SAFB2: variants seen among roughly 807,000 people sequenced by gnomAD.
SAFB2 encodes scaffold attachment factor B2.
Under a neutral mutation model 100.6 loss-of-function variants are expected in SAFB2, and 32 were observed. The ratio of observed to expected loss-of-function variants is 0.32; its 90% CI spans 0.24 to 0.43. The LOEUF (loss-of-function observed/expected upper bound fraction) is 0.43, where lower values mean the gene tolerates loss of function less well. Among genes scored for constraint, SAFB2 ranks in the 20% least tolerant of loss-of-function variants. The pLI, the probability that SAFB2 is intolerant of heterozygous loss-of-function variation, is 1.00. For synonymous variants in SAFB2, 500 were observed against 439.4 expected, an observed-to-expected ratio of 1.14 and a Z score of -1.72; for missense variants, 1,185 against 1,163.4, an observed-to-expected ratio of 1.02 and a Z score of -0.27.
At chr19:5,604,507 G>A (rs1361756644) in intron 11 of SAFB2, 76 bp downstream of exon 11, 3 of 1,092,000 alleles carry the variant, frequency 2.7e-6, no homozygotes, top group Non-Finnish European at 4.1e-6. Flanking sequence ...ACAGATGCGT[G>A]TTTTTCAAGG....
chr19:5,592,681 C>T (rs142014220), intron 16 of SAFB2, 66 bp downstream of exon 16: 16 of 1,588,032 alleles, frequency 1.0e-5, no homozygotes, highest in South Asian at 5.6e-5. Flanking sequence ...GGGCTGAGAA[C>T]GAGGTCAGCT....
intron 11 of SAFB2, among the ~76,000 whole-genome samples, chr19:5,602,829 C>T (rs141062798): frequency 0.014 from 2,157 of 152,308 alleles, 32 homozygotes; most frequent in Non-Finnish European, 0.02. Context: ...CCATCTTCCA[C>T]CAATACAGAC....
intron 4 of SAFB2, among the ~76,000 whole-genome samples, chr19:5,615,160 A>G (rs183958672): frequency 6.6e-6 from 1 of 152,158 alleles, no homozygotes; most frequent in East Asian, 1.9e-4. Flanking sequence ...GGAGACCATC[A>G]TGGCCAACAT....
intron 13 of SAFB2, among the ~76,000 whole-genome samples, chr19:5,597,137 C>T (rs895707741): frequency 2.6e-5 from 4 of 152,192 alleles, no homozygotes; most frequent in African/African-American, 9.7e-5. Flanking sequence ...GCACAGCAGG[C>T]AACAGTGTCA....
In SAFB2 at chr19:5,590,201, G is replaced by A. The variant is rs1250418237; in HGVS notation, c.2525+77C>T. 13 of 1,286,846 alleles carry A rather than the reference G, an allele frequency of 1.0e-5. No homozygotes were observed. The African/African-American group carries it at 1.8e-4, about 18-fold the overall frequency. The allele number at this position is 1,286,846 out of a possible 1,614,324, so 79.7% of individuals were successfully genotyped here. The stretch of plus-strand genomic sequence containing the variant: ...TCCCCTAGCTGAATCAAACCTTGGG[G>A]ACGTGCCTGGCCAGGCACCAACCTT... On this transcript the variant is annotated intron_variant, in intron 18 of 20. Transcript: ENST00000252542.
chr19:5,590,681 C>T (rs1452530022), intron 17 of SAFB2, among the ~76,000 whole-genome samples: 1 of 152,224 alleles, frequency 6.6e-6, no homozygotes, highest in East Asian at 1.9e-4. Context: ...CAGCTCTGCT[C>T]AAGATCCACT....
chr19:5,619,984 C>G (rs745729948), intron 2 of SAFB2, among the ~76,000 whole-genome samples: 1 of 152,084 alleles, frequency 6.6e-6, no homozygotes, highest in African/African-American at 2.4e-5. Flanking sequence ...GTTTTCCCAA[C>G]CACTAAAAAA....
rs376601528 is a variant in SAFB2 at position 5,622,569 on chromosome 19, C to T, written c.147G>A (p.Thr49=). Residue 49 remains threonine (T), a synonymous_variant, in exon 1 of 21, where the codon ACG becomes ACA. Coordinates refer to ENST00000252542, the MANE Select transcript of SAFB2 (RefSeq NM_014649.3). ...CCATCAGGACGCTCTTGTTGCCGCC[C>T]GTGTCCAGGTTCCGCTTCTTCAGCT... is the stretch of plus-strand genomic sequence containing the variant. ...RAELKKRNLD[T]GGNKSVLMER... 1.2e-6 allele frequency: 2 copies of T among 1,613,478 alleles called. No homozygotes were observed. Among genetic ancestry groups the T allele is most frequent in the East Asian group, 2.2e-5 (1 of 44,820 alleles).
At chr19:5,600,886 C>T (rs1418136817) in intron 11 of SAFB2, among the ~76,000 whole-genome samples, 2 of 152,222 alleles carry the variant, frequency 1.3e-5, no homozygotes, top group Non-Finnish European at 2.9e-5. Context: ...AAATCATCTT[C>T]GCCACTCAAA....
chr19:5,609,730 C>T (rs1160060879), intron 9 of SAFB2, among the ~76,000 whole-genome samples: 1 of 152,198 alleles, frequency 6.6e-6, no homozygotes, highest in Non-Finnish European at 1.5e-5. Context: ...AACCACCTGC[C>T]CTGCTCCGCA....
chr19:5,615,198 T>C (rs1016421181), intron 4 of SAFB2, among the ~76,000 whole-genome samples: 1 of 151,888 alleles, frequency 6.6e-6, no homozygotes, highest in African/African-American at 2.4e-5. Context: ...ACTAAAAATA[T>C]AAAAAAATCA....
At chr19:5,615,723 C>T (rs806707) in intron 4 of SAFB2, among the ~76,000 whole-genome samples, 113,074 of 152,068 alleles carry the variant, frequency 0.74, 43,359 homozygotes, top group African/African-American at 0.93. Flanking sequence ...ACCATCTTTG[C>T]TTCTTAAAAC....
At chr19:5,602,908 GC>G (rs1181883129) in intron 11 of SAFB2, among the ~76,000 whole-genome samples, 7 of 126,928 alleles carry the variant, frequency 5.5e-5, no homozygotes, top group South Asian at 2.8e-4. Flanking sequence ...AGGGCTCACC[GC>G]CCCCCCCACC....
rs374028961 is a variant in SAFB2 at position 5,587,209 on chromosome 19, G to A, written c.*34C>T. 72 of 1,605,648 alleles carry A rather than the reference G, an allele frequency of 4.5e-5. No individual in the cohort carries two copies. In the African/African-American group the frequency reaches 6.3e-4, roughly 14 times the overall value. ...CCCTGGCTACCAGATTCAACAGTGC[G>A]TCTGCCCACCCGAAAACTCGCAGCG... On this transcript the variant is annotated 3_prime_UTR_variant, in exon 21 of 21. Transcript: ENST00000252542. This position sits in a 1 kb window ranked among gnomAD's most constrained non-coding sequence, Gnocchi z 4.9.
At chr19:5,600,677 C>T (rs780105150) in intron 11 of SAFB2, among the ~76,000 whole-genome samples, 5 of 152,164 alleles carry the variant, frequency 3.3e-5, no homozygotes, top group Admixed American at 6.5e-5. Context: ...ACAGCCTCAA[C>T]GGGATGGAGG....
Position 5,622,759 on chromosome 19 carries a change from G to A in SAFB2, c.-44C>T, listed in dbSNP as rs540292495. On this transcript the variant is annotated 5_prime_UTR_variant, in exon 1 of 21. Transcript: ENST00000252542. ...GCCACCGACTCAGTCGCACACCGCC[G>A]GCAGCTATAGCGGCTCTGAACACAA... is the stretch of plus-strand genomic sequence containing the variant. The A allele has an allele frequency of 2.6e-6, 4 of 1,559,216 alleles. No individual in the cohort carries two copies. Among genetic ancestry groups the A allele is most frequent in the Admixed American group, 1.8e-5 (1 of 54,646 alleles).
At position 5,608,138 on chromosome 19, in the gene SAFB2, G is replaced by A. The variant is rs192120064; in HGVS notation, c.1296+1857C>T. Among the ~76,000 whole-genome samples the A allele has an allele frequency of 3.4e-4, 51 of 152,192 alleles. 1 individual carries two copies. Among genetic ancestry groups the A allele is most frequent in the African/African-American group, 1.1e-3 (47 of 41,526 alleles). ...TGTCCTGCCCCTCTGGCCTTCCTAC[G>A]TCCTTCTGTTTTTGTCCAGAGCTGA... On this transcript the variant is annotated intron_variant, in intron 9 of 20. Coordinates refer to ENST00000252542, the MANE Select transcript of SAFB2 (RefSeq NM_014649.3).
At chr19:5,606,416 A>G (rs2052776002) in intron 9 of SAFB2, among the ~76,000 whole-genome samples, 1 of 152,248 alleles carries the variant, frequency 6.6e-6, no homozygotes, top group South Asian at 2.1e-4. Flanking sequence ...ACTTGAGGCC[A>G]GGTGTTCAAA....
intron 2 of SAFB2, among the ~76,000 whole-genome samples, chr19:5,619,965 T>C (rs2053107460): frequency 6.6e-6 from 1 of 152,196 alleles, no homozygotes; most frequent in African/African-American, 2.4e-5. Flanking sequence ...TAAACTTTAT[T>C]GTTAAGCAGT....
Sources: gnomAD v4.1 joint callset for allele counts (sites outside exome capture counted in the v4.1 genomes callset) on GRCh38, gnomAD v4.1.1 for gene constraint, Gnocchi (gnomAD v3.1) non-coding constraint, MANE v1.5 for transcripts, NCBI Gene and HGNC (gene_info 2026-07-23, HGNC 2026-07-21) for gene names.